Variants in PNPLA4 observed in about 807,000 individuals in gnomAD.
PNPLA4 encodes the protein patatin like domain 4, phospholipase and triacylglycerol lipase.
Under a neutral mutation model 18.3 loss-of-function variants are expected in PNPLA4, and 15 were observed. That is an observed-to-expected ratio of 0.82 (90% confidence interval 0.55 to 1.26). PNPLA4 has a LOEUF of 1.26. Ranked by LOEUF, PNPLA4 falls within the 50% of genes most tolerant of loss-of-function variation. The probability of loss-of-function intolerance (pLI) is 0.00; values close to 1 mark genes in which losing one functional copy is unlikely to be tolerated. For missense variants in PNPLA4, 229 were observed against 196.8 expected, an observed-to-expected ratio of 1.16 and a Z score of -0.98; for synonymous variants, 88 against 85.6, an observed-to-expected ratio of 1.03 and a Z score of -0.16.
At chrX:7,926,503 A>G (rs1252629283) in intron 1 of PNPLA4, among the ~76,000 whole-genome samples, 2 of 111,886 alleles carry the variant, frequency 1.8e-5, no homozygotes, top group Admixed American at 9.5e-5. Context: ...GGGCGGCACT[A>G]CCATTATGAA....
Position 7,923,747 on chromosome X carries a change from A to G in PNPLA4, c.181-1649T>C, listed in dbSNP as rs991546607. Reference sequence around the variant, plus strand: ...GGGCACAGAGCTGAAATGTGTCCCTATGGCGAGCCACAAGTAGGGCTAAGT... The same window carrying G: ...GGGCACAGAGCTGAAATGTGTCCCTGTGGCGAGCCACAAGTAGGGCTAAGT... On this transcript the variant is annotated intron_variant, in intron 2 of 6. Transcript: ENST00000381042. Among the ~76,000 whole-genome samples, 4 of 111,488 alleles carry G rather than the reference A, an allele frequency of 3.6e-5. No individual in the cohort carries two copies. In the East Asian group the frequency reaches 8.5e-4, roughly 24 times the overall value.
Position 7,922,042 on chromosome X carries a change from C to T in PNPLA4, c.237G>A (p.Gly79=). ...FAEEIRRQSF[G]AVTPGYDFMA... ...TGAAGTCATAACCGGGCGTTACTGC[C>T]CCGAAAGACTGCCTTCTGATTTCTT... The change falls in exon 3 of 7, where the codon GGG becomes GGA. Residue 79 remains glycine, a synonymous_variant. Transcript: ENST00000381042. 3 of 1,209,294 alleles carry T rather than the reference C, an allele frequency of 2.5e-6. No individual in the cohort carries two copies. The highest frequency in any genetic ancestry group is 3.4e-6 in the Non-Finnish European group (3 of 893,785).
intron 2 of PNPLA4, 147 bp from the exon 3 acceptor site, chrX:7,922,245 T>A: frequency 2.1e-6 from 1 of 478,738 alleles, no homozygotes. Flanking sequence ...GGCCGGGGCC[T>A]CACCCACCAC....
In PNPLA4 at chrX:7,898,585, T is replaced by C. The variant is rs1319535868; in HGVS notation, c.*2101A>G. The stretch of plus-strand genomic sequence containing the variant: ...GAGAGCGCCTAGTGTGCACCAAGTA[T>C]GTGTTTCATTACACCGCTGTATTCC... On this transcript the variant is annotated 3_prime_UTR_variant, in exon 7 of 7. Transcript: ENST00000381042. The C allele has an allele frequency of 8.9e-6, 1 of 111,864 alleles. No individual in the cohort carries two copies. Among genetic ancestry groups the C allele is most frequent in the African/African-American group, 3.2e-5 (1 of 30,783 alleles). 9.2% of individuals were successfully genotyped at this position (111,864 alleles called of 1,213,427 possible). A position where few individuals can be genotyped will look rare whatever the true frequency, so the allele number is the denominator to read the frequency against.
chrX:7,926,015 A>T lies in PNPLA4; in HGVS notation c.105T>A (p.Asp35Glu), dbSNP rs1250892522. ...LCRHGKKLVK[D>E]VKAFAGASAG... is the part of the protein sequence containing the mutation. ...CAGACGCCCCAGCGAAGGCTTTGACATCCTTCACAAGTTTTTTGCCATGTC... is the reference window on the plus strand; with the variant it reads ...CAGACGCCCCAGCGAAGGCTTTGACTTCCTTCACAAGTTTTTTGCCATGTC... Residue 35 changes from aspartate to glutamate, a missense_variant, in exon 2 of 7, where the codon GAT becomes GAA. Physicochemically the swap from Asp to Glu is conservative, Grantham distance 45. Coordinates refer to ENST00000381042, the MANE Select transcript of PNPLA4 (RefSeq NM_004650.3). The T allele has an allele frequency of 1.2e-5, 15 of 1,211,908 alleles. No homozygotes were observed. Among genetic ancestry groups the T allele is most frequent in the Middle Eastern group, 2.3e-4 (1 of 4,256 alleles).
intron 2 of PNPLA4, among the ~76,000 whole-genome samples, chrX:7,924,699 A>G (rs1924337242): frequency 8.9e-6 from 1 of 112,412 alleles, no homozygotes; most frequent in African/African-American, 3.2e-5. Context: ...AAATTATTCA[A>G]TGTCTTAACA....
chrX:7,921,795 C>T lies in PNPLA4; in HGVS notation c.329G>A (p.Arg110Gln), dbSNP rs775251646. Residue 110 changes from arginine (R) to glutamine (Q), a missense_variant, in exon 4 of 7, where the codon CGA becomes CAA. By Grantham distance (43) the Arg-to-Gln change is conservative. Coordinates refer to ENST00000381042, the MANE Select transcript of PNPLA4 (RefSeq NM_004650.3). ...PPSAHELAQN[R>Q]LHVSITNAKT... The stretch of plus-strand genomic sequence containing the variant: ...GGCGTTGGTGATGGATACGTGCAGT[C>T]GGTTCTGGGCCAGCTCGTGAGCGCT... 2.0e-5 allele frequency: 24 copies of T among 1,203,626 alleles called. No homozygotes were observed. Among genetic ancestry groups the T allele is most frequent in the South Asian group, 1.2e-4 (7 of 56,541 alleles).
rs772755411 is a variant in PNPLA4, at chrX:7,902,100, C to T, written c.519G>A (p.Leu173=). 2 of 1,206,535 alleles carry T rather than the reference C, an allele frequency of 1.7e-6. No individual in the cohort carries two copies. The highest frequency in any genetic ancestry group is 6.0e-5 in the East Asian group (2 of 33,562). ...DGGLTNALPI[L]PVGRTVTISP... Reference sequence around the variant, plus strand: ...AGATGGTTACTGTCCGGCCGACGGGCAGGATGGGAAGAGCGTTGGTGAGGC... The same window carrying T: ...AGATGGTTACTGTCCGGCCGACGGGTAGGATGGGAAGAGCGTTGGTGAGGC... The change falls in exon 6 of 7, where the codon CTG becomes CTA. Residue 173 remains leucine, a synonymous_variant. Transcript: ENST00000381042.
At chrX:7,919,233 C>A (rs1424983024) in intron 4 of PNPLA4, among the ~76,000 whole-genome samples, 1 of 112,681 alleles carries the variant, frequency 8.9e-6, no homozygotes, top group Non-Finnish European at 1.9e-5. Flanking sequence ...CAAATTACTA[C>A]AAATTTAACC....
intron 5 of PNPLA4, among the ~76,000 whole-genome samples, chrX:7,903,461 G>A (rs886671905): frequency 2.1e-4 from 23 of 110,165 alleles, no homozygotes; most frequent in Non-Finnish European, 3.2e-4. Flanking sequence ...CACCATGCCC[G>A]GCTAATTTTT....
intron 4 of PNPLA4, among the ~76,000 whole-genome samples, chrX:7,918,820 T>A (rs1290126105): frequency 1.8e-5 from 2 of 111,641 alleles, no homozygotes; most frequent in Non-Finnish European, 3.8e-5. Flanking sequence ...GGCAGGGGGT[T>A]TACTTTACTT....
chrX:7,926,197 T>C (rs1326900788), intron 1 of PNPLA4, 65 bp from the exon 2 acceptor site: 2 of 793,048 alleles, frequency 2.5e-6, no homozygotes, highest in Non-Finnish European at 3.6e-6. Flanking sequence ...TGTGTAGTCT[T>C]ATGTTGATCA....
chrX:7,906,577 T>G (rs1860524941), intron 5 of PNPLA4, among the ~76,000 whole-genome samples: 1 of 112,183 alleles, frequency 8.9e-6, no homozygotes, highest in Admixed American at 9.4e-5. Flanking sequence ...CAAAAAAATC[T>G]AAAAAGTGAC....
chrX:7,915,313 G>C (rs1199353645), intron 4 of PNPLA4, among the ~76,000 whole-genome samples: 1 of 79,341 alleles, frequency 1.3e-5, no homozygotes, highest in African/African-American at 4.6e-5. Context: ...AGGGTGGGGG[G>C]GGGGGTGTGT....
chrX:7,914,171 A>T (rs944521368), intron 4 of PNPLA4, among the ~76,000 whole-genome samples: 1 of 112,314 alleles, frequency 8.9e-6, no homozygotes, highest in Non-Finnish European at 1.9e-5. Flanking sequence ...CAAAATGTCA[A>T]TGTGGACATG....
intron 5 of PNPLA4, among the ~76,000 whole-genome samples, chrX:7,905,375 G>A (rs187123706): frequency 2.7e-5 from 3 of 111,877 alleles, no homozygotes; most frequent in East Asian, 5.6e-4. Flanking sequence ...ATTACATAAC[G>A]CAAGTGGAAA....
chrX:7,926,888 T>C (rs1196404319), intron 1 of PNPLA4, among the ~76,000 whole-genome samples: 1 of 112,416 alleles, frequency 8.9e-6, no homozygotes, highest in Non-Finnish European at 1.9e-5. Context: ...CACAAGGCTG[T>C]CCATTCTGAA....
chrX:7,926,712 C>G, intron 1 of PNPLA4, among the ~76,000 whole-genome samples: 1 of 112,216 alleles, frequency 8.9e-6, no homozygotes, highest in Non-Finnish European at 1.9e-5. Context: ...CATTTCTTTG[C>G]CAAGTATCTC....
intron 4 of PNPLA4, among the ~76,000 whole-genome samples, chrX:7,913,311 T>A (rs1923934088): frequency 8.9e-6 from 1 of 111,911 alleles, no homozygotes; most frequent in South Asian, 3.8e-4. Context: ...CAAACATCTG[T>A]TGGGTATCTC....
Sources: gnomAD v4.1 joint callset for allele counts (sites outside exome capture counted in the v4.1 genomes callset) on GRCh38, gnomAD v4.1.1 for gene constraint, MANE v1.5 for transcripts, NCBI Gene and HGNC (gene_info 2026-07-23, HGNC 2026-07-21) for gene names.